The following NPM1 variants were observed in gnomAD, a reference collection of about 807,000 sequenced individuals.
NPM1 encodes the protein nucleophosmin 1.
In NPM1, 1 loss-of-function variant was observed where a neutral mutation model predicts 44.1. The observed-to-expected ratio is 0.02, with a 90% CI of 0.01 to 0.11. NPM1 has a LOEUF of 0.11. Ranked by LOEUF, NPM1 falls within the 10% of genes least tolerant of loss-of-function variation. The probability of loss-of-function intolerance (pLI) is 1.00; values close to 1 mark genes in which losing one functional copy is unlikely to be tolerated. For missense variants in NPM1, 197 were observed against 347.8 expected (o/e 0.57, Z 3.45); for synonymous variants, 126 against 111.8 (o/e 1.13, Z -0.80).
rs574304875 is a variant in NPM1 at position 171,400,746 on chromosome 5, T to C, written c.583-93T>C. 104 of 792,594 alleles carry C rather than the reference T, an allele frequency of 1.3e-4. No homozygotes were observed. In the East Asian group the frequency reaches 1.4e-3, roughly 10 times the overall value. The allele number at this position is 792,594 out of a possible 1,614,324, so 49.1% of individuals were successfully genotyped here. On this transcript the variant is annotated intron_variant, in intron 7 of 10. Transcript: ENST00000296930. ...CAGGCATGAGCCACCACGCCAAGCC[T>C]GTGGTTGCTGCTTGTCTTACATGGC...
In NPM1 at chr5:171,391,286, ATT is replaced by A. The variant is rs752582321; in HGVS notation, c.139-10_139-9del. ...GGTGGAACTCAAAAGTTGAAGTAGT[ATT>A]TTTTTTTTGTTCACAGGTCAGTTTA... On this transcript the variant is annotated splice_polypyrimidine_tract_variant and intron_variant, in intron 2 of 10. Coordinates refer to ENST00000296930, the MANE Select transcript of NPM1 (RefSeq NM_002520.7). The A allele has an allele frequency of 4.3e-6, 6 of 1,399,302 alleles. No homozygotes were observed. The highest frequency in any genetic ancestry group is 1.4e-5 in the African/African-American group (1 of 69,056). 86.7% of individuals were successfully genotyped at this position (1,399,302 alleles called of 1,614,324 possible). A position where few individuals can be genotyped will look rare whatever the true frequency, so the allele number is the denominator to read the frequency against.
chr5:171,408,402 G>A (rs967764547), intron 10 of NPM1, among the ~76,000 whole-genome samples: 1 of 152,174 alleles, frequency 6.6e-6, no homozygotes, highest in African/African-American at 2.4e-5. Flanking sequence ...GTTAGGTATC[G>A]TGTGGAGAAC....
chr5:171,391,964 G>A (rs903143325), intron 4 of NPM1, among the ~76,000 whole-genome samples, 165 bp downstream of exon 4: 1 of 147,018 alleles, frequency 6.8e-6, no homozygotes, highest in Non-Finnish European at 1.5e-5. Context: ...GGGCGGGGGG[G>A]AGAGGAAATC....
intron 8 of NPM1, among the ~76,000 whole-genome samples, chr5:171,404,903 T>C (rs1374273219): frequency 6.6e-6 from 1 of 152,162 alleles, no homozygotes; most frequent in Non-Finnish European, 1.5e-5. Context: ...TGAACTGACT[T>C]AGTACTGTGC....
At position 171,392,956 on chromosome 5, in the gene NPM1, G is replaced by T; in HGVS notation, c.502G>T (p.Asp168Tyr). ...TGCTGATGAAGATGATGACGATGATGATGAAGAGGATGATGATGAAGAGTA... is the reference window on the plus strand; with the variant it reads ...TGCTGATGAAGATGATGACGATGATTATGAAGAGGATGATGATGAAGAGTA... ...LAADEDDDDD[D>Y]EEDDDEDDDD... is the part of the protein sequence containing the mutation. The change falls in exon 6 of 11, where the codon GAT becomes TAT. Residue 168 changes from aspartate to tyrosine, a missense_variant. Asp to Tyr is a radical substitution (Grantham distance 160). Around this residue, in one of 5 missense-constraint regions of NPM1, gnomAD observed 91 missense variants for 94.0 expected, o/e 0.97. Coordinates refer to ENST00000296930, the MANE Select transcript of NPM1 (RefSeq NM_002520.7). 6.2e-7 allele frequency: 1 copy of T among 1,609,180 alleles called. No individual in the cohort carries two copies. Among genetic ancestry groups the T allele is most frequent in the South Asian group, 1.1e-5 (1 of 90,882 alleles).
At chr5:171,394,722 T>G (rs2113196578) in intron 6 of NPM1, among the ~76,000 whole-genome samples, 1 of 152,308 alleles carries the variant, frequency 6.6e-6, no homozygotes, top group Non-Finnish European at 1.5e-5. Flanking sequence ...TCGGATTGGT[T>G]TAGTCTGATT....
At chr5:171,389,311 A>C (rs1400110985) in intron 1 of NPM1, among the ~76,000 whole-genome samples, 1 of 152,266 alleles carries the variant, frequency 6.6e-6, no homozygotes, top group African/African-American at 2.4e-5. Flanking sequence ...GGTAACGGTT[A>C]GATGATAGTT....
intron 1 of NPM1, among the ~76,000 whole-genome samples, chr5:171,389,850 G>C (rs1770481073): frequency 6.6e-6 from 1 of 152,200 alleles, no homozygotes. Context: ...TATGATGAGA[G>C]AATGGAATTA....
chr5:171,389,019 A>G (rs771106919), intron 1 of NPM1, among the ~76,000 whole-genome samples: 1 of 152,210 alleles, frequency 6.6e-6, no homozygotes, highest in Non-Finnish European at 1.5e-5. Flanking sequence ...TTTTCTAAAT[A>G]CAAGAAACAC....
chr5:171,400,792 T>C (rs1453048453), intron 7 of NPM1, 47 bp from the exon 8 acceptor site: 1 of 1,271,370 alleles, frequency 7.9e-7, no homozygotes, highest in Non-Finnish European at 1.1e-6. Context: ...TTGTTTGCAC[T>C]GTTGTTGGGG....
At chr5:171,388,146 C>T in intron 1 of NPM1, 140 bp downstream of exon 1, 1 of 775,646 alleles carries the variant, frequency 1.3e-6, no homozygotes, top group Non-Finnish European at 2.1e-6. Context: ...GTGGGAAGAG[C>T]TGCCTGAGCC....
At chr5:171,406,569 A>G in intron 9 of NPM1, 1 of 1,447,326 alleles carries the variant, frequency 6.9e-7, no homozygotes, top group African/African-American at 1.4e-5. Context: ...TTCAGGCTGG[A>G]AACAATCTCT....
intron 7 of NPM1, among the ~76,000 whole-genome samples, chr5:171,400,582 G>A (rs1334775720): frequency 2.0e-5 from 3 of 151,226 alleles, no homozygotes; most frequent in Non-Finnish European, 4.4e-5. Flanking sequence ...TCAGCCTCCT[G>A]AGTAGCTGGA....
At chr5:171,387,507 G>A, upstream of NPM1, 1 of 202,874 alleles carries the variant, frequency 4.9e-6, no homozygotes, top group Non-Finnish European at 1.0e-5. Context: ...TTGCAGGGTG[G>A]GCTGCGCAGA....
rs1200614991 is a variant in NPM1, at chr5:171,394,047, T to C, written c.524+1069T>C. 3.4e-5 allele frequency among the ~76,000 whole-genome samples: 5 copies of C among 145,882 alleles called. 1 individual carries two copies. The highest frequency in any genetic ancestry group is 1.4e-4 in the Admixed American group (2 of 14,724). On this transcript the variant is annotated intron_variant, in intron 6 of 10. Transcript: ENST00000296930. ...CTGTTGCTGTTTTTGTTTTCTTTTT[T>C]TTTTTTTTTTTTTTTGAGATGGAGT...
intron 4 of NPM1, 152 bp from the exon 5 acceptor site, chr5:171,392,558 T>A (rs917342209): frequency 5.5e-6 from 3 of 541,992 alleles, no homozygotes; most frequent in Non-Finnish European, 9.3e-6. Flanking sequence ...AAAATACTTT[T>A]GTTAAAAAGT....
intron 1 of NPM1, among the ~76,000 whole-genome samples, chr5:171,388,449 C>T (rs968635835): frequency 5.3e-5 from 8 of 152,282 alleles, no homozygotes; most frequent in African/African-American, 9.6e-5. Flanking sequence ...GGTAGATGCA[C>T]AGCCTGGCGT....
chr5:171,402,711 C>G (rs966506935), intron 8 of NPM1, among the ~76,000 whole-genome samples: 2 of 138,900 alleles, frequency 1.4e-5, no homozygotes, highest in African/African-American at 5.4e-5. Flanking sequence ...GGGTAGATTT[C>G]CCTCTTGCTG....
intron 6 of NPM1, among the ~76,000 whole-genome samples, chr5:171,399,418 A>T (rs1404312197): frequency 1.3e-5 from 2 of 151,850 alleles, no homozygotes; most frequent in Non-Finnish European, 2.9e-5. Context: ...CTAATTAAAA[A>T]TTTTTTTTGT....
Sources: allele counts gnomAD v4.1 joint callset (sites outside exome capture counted in the v4.1 genomes callset), GRCh38; gene constraint gnomAD v4.1.1; regional missense constraint gnomAD v4.1.1; transcripts MANE v1.5; gene names NCBI Gene and HGNC (gene_info 2026-07-23, HGNC 2026-07-21).